Variants in SPRED1 observed in about 807,000 individuals in gnomAD.
SPRED1 encodes the protein sprouty-related, EVH1 domain-containing protein 1.
SPRED1 carries 18 observed loss-of-function variants against 52.3 expected under a neutral mutation model. That is an observed-to-expected ratio of 0.34 (90% CI 0.24 to 0.51). The LOEUF (loss-of-function observed/expected upper bound fraction) is 0.51. Among genes scored for constraint, SPRED1 ranks in the 20% least tolerant of loss-of-function variants. The pLI is 0.97. For synonymous variants in SPRED1, 155 were observed against 179.7 expected (o/e 0.86, Z 1.10); for missense variants, 485 against 551.0 (o/e 0.88, Z 1.20).
intron 1 of SPRED1, among the ~76,000 whole-genome samples, chr15:38,261,084 A>G (rs1894195243): frequency 6.6e-6 from 1 of 152,258 alleles, no homozygotes; most frequent in African/African-American, 2.4e-5. Flanking sequence ...ACATGAGAAA[A>G]GCAGTGCATT....
intron 6 of SPRED1, among the ~76,000 whole-genome samples, 187 bp from the exon 7 acceptor site, chr15:38,350,827 A>AT (rs1888467215): frequency 6.6e-6 from 1 of 152,168 alleles, no homozygotes; most frequent in African/African-American, 2.4e-5. Flanking sequence ...AGGTCCGCCT[A>AT]TACCACAGAA....
chr15:38,308,664 A>T (rs74007151), intron 2 of SPRED1, among the ~76,000 whole-genome samples: 6,307 of 152,224 alleles, frequency 0.041, 443 homozygotes, highest in African/African-American at 0.14. Flanking sequence ...GTTATTGAGT[A>T]TCTCCAGAGT....
intron 5 of SPRED1, among the ~76,000 whole-genome samples, chr15:38,342,602 A>T (rs1337903008): frequency 6.6e-6 from 1 of 152,008 alleles, no homozygotes; most frequent in Non-Finnish European, 1.5e-5. Context: ...TCATTTTTGA[A>T]GGATGTTTTG....
At chr15:38,258,748 C>A (rs897593360) in intron 1 of SPRED1, among the ~76,000 whole-genome samples, 1 of 151,956 alleles carries the variant, frequency 6.6e-6, no homozygotes, top group South Asian at 2.1e-4. Flanking sequence ...GGTTGTTTTG[C>A]GGTAACTAGA....
chr15:38,281,919 G>A (rs550467159), intron 1 of SPRED1, among the ~76,000 whole-genome samples: 1 of 152,122 alleles, frequency 6.6e-6, no homozygotes, highest in East Asian at 1.9e-4. Context: ...TAGATGTAAA[G>A]TCGATACCTA....
At position 38,299,621 on chromosome 15, in the gene SPRED1, T is replaced by C. The variant is rs1895113885; in HGVS notation, c.207+74T>C. 2.1e-6 allele frequency: 3 copies of C among 1,454,260 alleles called. No individual in the cohort carries two copies. In the South Asian group the frequency reaches 3.6e-5, roughly 17 times the overall value. The allele number at this position is 1,454,260 out of a possible 1,614,324, so 90.1% of individuals were successfully genotyped here. On this transcript the variant is annotated intron_variant, in intron 2 of 6. Transcript: ENST00000299084. ...GTTTAAAGTTATGATTAGTATACTG[T>C]TGTGAGTTTTTTTCACCTGTGAATC...
rs935303893 is a variant in SPRED1 at position 38,325,638 on chromosome 15, T to C, written c.423+829T>C. ...TAATTGCGTGAGGTCACCCACATTA[T>C]GGAGGATGCCTAACTGCCATATTAA... On this transcript the variant is annotated intron_variant, in intron 4 of 6. Transcript: ENST00000299084. Among the ~76,000 whole-genome samples the C allele has an allele frequency of 7.2e-5, 11 of 152,254 alleles. No individual in the cohort carries two copies. The East Asian group carries it at 7.7e-4, about 11-fold the overall frequency.
chr15:38,295,642 T>C (rs1895020502), intron 1 of SPRED1, among the ~76,000 whole-genome samples: 1 of 152,172 alleles, frequency 6.6e-6, no homozygotes, highest in Admixed American at 6.5e-5. Context: ...TGTTATTAAG[T>C]TGAATACATA....
In SPRED1 at chr15:38,351,279, C is replaced by T; in HGVS notation, c.950C>T (p.Ser317Leu). 2 of 1,614,070 alleles carry T rather than the reference C, an allele frequency of 1.2e-6. No individual in the cohort carries two copies. The highest frequency in any genetic ancestry group is 2.2e-5 in the East Asian group (1 of 44,868). ...DSVVFKTQPSSLKIKKSKRRK... is the reference protein window; with the variant it reads ...DSVVFKTQPSLLKIKKSKRRK... ...GTGGTATTTAAGACGCAGCCTTCCT[C>T]ATTAAAAATTAAGAAGTCAAAACGA... Residue 317 changes from serine to leucine, a missense_variant, in exon 7 of 7, where the codon TCA becomes TTA. This residue lies in a region of SPRED1 where 205 missense variants were observed against 245.2 expected (regional missense o/e 0.84). Coordinates refer to ENST00000299084, the MANE Select transcript of SPRED1 (RefSeq NM_152594.3).
intron 1 of SPRED1, among the ~76,000 whole-genome samples, chr15:38,298,393 A>T (rs537456832): frequency 2.6e-5 from 4 of 152,342 alleles, no homozygotes; most frequent in African/African-American, 9.6e-5. Flanking sequence ...AAAGACATGT[A>T]CAAGAATGTT....
At chr15:38,282,506 C>CAAA (rs373880075) in intron 1 of SPRED1, among the ~76,000 whole-genome samples, 4 of 125,810 alleles carry the variant, frequency 3.2e-5, no homozygotes, top group South Asian at 5.2e-4. Context: ...GACCCCGTCT[C>CAAA]AAAAAAAAAA....
chr15:38,328,466 CCTTT>C (rs1895752299), intron 4 of SPRED1, among the ~76,000 whole-genome samples: 1 of 152,126 alleles, frequency 6.6e-6, no homozygotes. Flanking sequence ...AAGAAATTTA[CCTTT>C]CTATTTCATA....
chr15:38,259,715 A>G (rs887391445), intron 1 of SPRED1, among the ~76,000 whole-genome samples: 14 of 152,346 alleles, frequency 9.2e-5, no homozygotes, highest in Admixed American at 2.0e-4. Context: ...GGTCACTTAT[A>G]CAAATCAGTA....
In SPRED1 at chr15:38,341,550, T is replaced by C. The variant is rs567005336; in HGVS notation, c.582+1655T>C. On this transcript the variant is annotated intron_variant, in intron 5 of 6. Coordinates refer to ENST00000299084, the MANE Select transcript of SPRED1 (RefSeq NM_152594.3). ...AATTTTAGACATACCAGAGGTAGAATGAATAAAGAAGTGAACTACCGTATG... is the reference window on the plus strand; with the variant it reads ...AATTTTAGACATACCAGAGGTAGAACGAATAAAGAAGTGAACTACCGTATG... 1.5e-3 allele frequency among the ~76,000 whole-genome samples: 223 copies of C among 152,252 alleles called. 2 individuals are homozygous for C. The highest frequency in any genetic ancestry group is 5.1e-3 in the African/African-American group (210 of 41,568).
intron 2 of SPRED1, among the ~76,000 whole-genome samples, chr15:38,313,000 A>G (rs1895398738): frequency 6.6e-6 from 1 of 151,706 alleles, no homozygotes; most frequent in African/African-American, 2.4e-5. Context: ...TGAATGTATC[A>G]TTTTCTCCCT....
intron 1 of SPRED1, among the ~76,000 whole-genome samples, chr15:38,278,533 T>C (rs1238431920): frequency 3.3e-5 from 5 of 152,210 alleles, no homozygotes; most frequent in Admixed American, 3.3e-4. Flanking sequence ...ACTTTTTGTG[T>C]ACATTACAGA....
intron 1 of SPRED1, among the ~76,000 whole-genome samples, chr15:38,292,105 C>A (rs534413052): frequency 2.0e-5 from 3 of 152,178 alleles, no homozygotes; most frequent in Non-Finnish European, 4.4e-5. Context: ...TACCCTAAAT[C>A]ATCTCTTTCA....
At chr15:38,270,820 A>G (rs1894418325) in intron 1 of SPRED1, among the ~76,000 whole-genome samples, 1 of 152,240 alleles carries the variant, frequency 6.6e-6, no homozygotes. Context: ...GTATGTATGT[A>G]TATATACTAA....
At chr15:38,301,532 A>G (rs1214534711) in intron 2 of SPRED1, among the ~76,000 whole-genome samples, 1 of 152,150 alleles carries the variant, frequency 6.6e-6, no homozygotes, top group Non-Finnish European at 1.5e-5. Flanking sequence ...TAGAGGGATT[A>G]ACTATAGTAT....
Sources: allele counts gnomAD v4.1 joint callset (sites outside exome capture counted in the v4.1 genomes callset), GRCh38; gene constraint gnomAD v4.1.1; regional missense constraint gnomAD v4.1.1; transcripts MANE v1.5; gene names NCBI Gene and HGNC (gene_info 2026-07-23, HGNC 2026-07-21).